Variants in VCL observed in about 807,000 individuals in gnomAD.
The protein encoded by VCL is vinculin, also known as epididymis luminal protein 114.
VCL carries 47 observed loss-of-function variants against 125.7 expected under a neutral mutation model. That is an observed-to-expected ratio of 0.37 (90% CI 0.30 to 0.48). The LOEUF (loss-of-function observed/expected upper bound fraction) is 0.48, where lower values mean the gene tolerates loss of function less well. Among genes scored for constraint, VCL ranks in the 20% least tolerant of loss-of-function variants. The pLI is 0.99. For synonymous variants in VCL, 458 were observed against 514.6 expected (o/e 0.89, Z 1.49); for missense variants, 1,069 against 1,455.5 (o/e 0.73, Z 4.32).
chr10:74,101,542 G>GTTTTTTTT (rs964739371), intron 14 of VCL, among the ~76,000 whole-genome samples: 36 of 88,130 alleles, frequency 4.1e-4, no homozygotes, highest in African/African-American at 8.1e-4. Context: ...CTATTTATTA[G>GTTTTTTTT]TTTTTTTTTT....
intron 1 of VCL, among the ~76,000 whole-genome samples, chr10:74,033,139 C>G (rs2136241978): frequency 6.6e-6 from 1 of 152,246 alleles, no homozygotes; most frequent in East Asian, 1.9e-4. Flanking sequence ...AGGTGCCCAT[C>G]AACTGATGAA....
At chr10:74,014,312 G>A (rs1229906439) in intron 1 of VCL, among the ~76,000 whole-genome samples, 2 of 151,424 alleles carry the variant, frequency 1.3e-5, no homozygotes, top group African/African-American at 2.4e-5. Flanking sequence ...GCTCACTGCA[G>A]CCTCAACCTC....
intron 2 of VCL, among the ~76,000 whole-genome samples, chr10:74,058,614 A>G (rs1841426599): frequency 6.6e-6 from 1 of 151,430 alleles, no homozygotes; most frequent in African/African-American, 2.4e-5. Flanking sequence ...GTGGGAGTGA[A>G]AGTTGAACGT....
chr10:74,055,162 T>C (rs1841370418), intron 2 of VCL, among the ~76,000 whole-genome samples: 1 of 151,784 alleles, frequency 6.6e-6, no homozygotes, highest in Non-Finnish European at 1.5e-5. Context: ...TAGCTGGGCA[T>C]GGTGAGGAGT....
At chr10:74,112,156 C>T (rs150017479) in intron 19 of VCL, 44 bp downstream of exon 19, 321 of 1,609,474 alleles carry the variant, frequency 2.0e-4, no homozygotes, top group Non-Finnish European at 2.4e-4. Flanking sequence ...CATATGCATC[C>T]GGCCATGTGC....
At chr10:74,057,396 C>G (rs985663808) in intron 2 of VCL, among the ~76,000 whole-genome samples, 1 of 152,086 alleles carries the variant, frequency 6.6e-6, no homozygotes, top group Non-Finnish European at 1.5e-5. Context: ...CTTAGGTTAA[C>G]AATTTAAATC....
intron 1 of VCL, among the ~76,000 whole-genome samples, chr10:74,024,673 T>C (rs921703381): frequency 5.9e-5 from 9 of 152,128 alleles, no homozygotes; most frequent in African/African-American, 2.2e-4. Context: ...ACACCTGTAA[T>C]TTAAAAAATG....
rs2136248895 is a variant in VCL at position 74,043,202 on chromosome 10, T to A, written c.239+49T>A. ...GTTGCTAAGCAGAATAATACTCTTG[T>A]TAGGAAGAAAAAGTAGCTGATTTCA... On this transcript the variant is annotated intron_variant, in intron 2 of 21. Coordinates refer to ENST00000211998, the MANE Select transcript of VCL (RefSeq NM_014000.3). The A allele has an allele frequency of 2.6e-6, 4 of 1,535,614 alleles. No homozygotes were observed. The East Asian group carries it at 9.0e-5, about 35-fold the overall frequency.
intron 6 of VCL, chr10:74,077,197 TGAACAAGA>T (rs372817215): frequency 1.4e-4 from 22 of 152,800 alleles, no homozygotes; most frequent in African/African-American, 3.8e-4. Context: ...GACATCAGAA[TGAACAAGA>T]GATGTTTATG....
chr10:74,106,919 A>G (rs1221153272), intron 16 of VCL, among the ~76,000 whole-genome samples: 3 of 152,158 alleles, frequency 2.0e-5, no homozygotes, highest in African/African-American at 7.2e-5. Flanking sequence ...CTGCCTCATC[A>G]TAAGAGAGGT....
rs927799758 is a variant in VCL at position 74,069,567 on chromosome 10, A to C, written c.240-1103A>C. Among the ~76,000 whole-genome samples, 11 of 152,110 alleles carry C rather than the reference A, an allele frequency of 7.2e-5. 1 individual carries two copies. Among genetic ancestry groups the C allele is most frequent in the Admixed American group, 7.2e-4 (11 of 15,274 alleles). On this transcript the variant is annotated intron_variant, in intron 2 of 21. Coordinates refer to ENST00000211998, the MANE Select transcript of VCL (RefSeq NM_014000.3). Reference sequence around the variant, plus strand: ...TATTACTTCATTTATCCTCAAAAGAACCTGGTGAGATAGGCTTTTATTTGC... The same window carrying C: ...TATTACTTCATTTATCCTCAAAAGACCCTGGTGAGATAGGCTTTTATTTGC...
At chr10:74,036,513 T>C (rs1840981875) in intron 1 of VCL, among the ~76,000 whole-genome samples, 1 of 152,162 alleles carries the variant, frequency 6.6e-6, no homozygotes, top group African/African-American at 2.4e-5. Context: ...CTCTGTTTTT[T>C]TTTAACCCTT....
At chr10:74,083,820 T>C in intron 8 of VCL, among the ~76,000 whole-genome samples, 1 of 151,820 alleles carries the variant, frequency 6.6e-6, no homozygotes, top group Non-Finnish European at 1.5e-5. Context: ...GCCTCCCGGG[T>C]AGCTGGGATT....
intron 2 of VCL, among the ~76,000 whole-genome samples, chr10:74,051,457 G>C (rs549462689): frequency 2.0e-5 from 3 of 152,168 alleles, no homozygotes; most frequent in Admixed American, 2.0e-4. Flanking sequence ...GCCTGGTCTT[G>C]AGCTCTGCTC....
intron 1 of VCL, 149 bp from the exon 2 acceptor site, chr10:74,042,933 TA>T: frequency 2.8e-6 from 2 of 720,678 alleles, no homozygotes; most frequent in Non-Finnish European, 4.5e-6. Flanking sequence ...TGAGTAATCC[TA>T]AAAAATTTTT....
intron 14 of VCL, among the ~76,000 whole-genome samples, chr10:74,102,519 A>T (rs76966687): frequency 0.03 from 4,497 of 152,274 alleles, 94 homozygotes; most frequent in Non-Finnish European, 0.045. Context: ...ATACATTCGA[A>T]ACTATGCTAG....
rs945460438 is a variant in VCL at position 74,119,659 on chromosome 10, T to A, written c.*1490T>A. On this transcript the variant is annotated 3_prime_UTR_variant, in exon 22 of 22. Transcript: ENST00000211998. The stretch of plus-strand genomic sequence containing the variant: ...GAGTAAGAACCTTGCCTGAACATCC[T>A]TCCTTCCCACCCATCGCTGTGTGTT... The A allele has an allele frequency of 1.3e-5, 2 of 152,396 alleles. No homozygotes were observed. Among genetic ancestry groups the A allele is most frequent in the African/African-American group, 4.8e-5 (2 of 41,458 alleles). 9.4% of individuals were successfully genotyped at this position (152,396 alleles called of 1,614,324 possible). A position where few individuals can be genotyped will look rare whatever the true frequency, so the allele number is the denominator to read the frequency against.
In VCL at chr10:74,093,326, G is replaced by A. The variant is rs139480932; in HGVS notation, c.1353-945G>A. 3.4e-3 allele frequency among the ~76,000 whole-genome samples: 518 copies of A among 152,106 alleles called. 1 individual carries two copies. Among genetic ancestry groups the A allele is most frequent in the African/African-American group, 0.012 (478 of 41,494 alleles). ...CAAAACAAACAAAAAAAAGTGTGGCGACTCTGAAGTCACGGTGCTGGGTTT... is the reference window on the plus strand; with the variant it reads ...CAAAACAAACAAAAAAAAGTGTGGCAACTCTGAAGTCACGGTGCTGGGTTT... On this transcript the variant is annotated intron_variant, in intron 10 of 21. Coordinates refer to ENST00000211998, the MANE Select transcript of VCL (RefSeq NM_014000.3).
chr10:74,101,430 A>G (rs945170645), intron 14 of VCL, among the ~76,000 whole-genome samples: 24 of 152,006 alleles, frequency 1.6e-4, no homozygotes, highest in Admixed American at 1.6e-3. Context: ...AGGCTGCAGT[A>G]AGCTTTGATT....
Sources: gnomAD v4.1 joint callset for allele counts (sites outside exome capture counted in the v4.1 genomes callset) on GRCh38, gnomAD v4.1.1 for gene constraint, MANE v1.5 for transcripts, NCBI Gene and HGNC (gene_info 2026-07-23, HGNC 2026-07-21) for gene names.